ATXN7L1: variants seen among roughly 807,000 people sequenced by gnomAD.
ATXN7L1 encodes the protein ataxin 7 like 1, also known as ataxin-7-like protein 1.
Under a neutral mutation model 70.8 loss-of-function variants are expected in ATXN7L1, and 15 were observed. The observed-to-expected ratio is 0.21, with a 90% CI of 0.14 to 0.33. The LOEUF (loss-of-function observed/expected upper bound fraction) is 0.33, where lower values mean the gene tolerates loss of function less well. Ranked by LOEUF, ATXN7L1 falls within the 10% of genes least tolerant of loss-of-function variation. The pLI, the probability that ATXN7L1 is intolerant of heterozygous loss-of-function variation, is 1.00. For missense variants in ATXN7L1, 975 were observed against 1,097.1 expected (o/e 0.89, Z 1.57); for synonymous variants, 440 against 445.1 (o/e 0.99, Z 0.14).
chr7:105,873,549 T>C, intron 2 of ATXN7L1, among the ~76,000 whole-genome samples: 3 of 152,304 alleles, frequency 2.0e-5, no homozygotes, highest in East Asian at 3.9e-4. Context: ...ATATAGATAT[T>C]TTATCTATAA....
At chr7:105,827,090 C>T (rs968964664) in intron 2 of ATXN7L1, among the ~76,000 whole-genome samples, 8 of 152,008 alleles carry the variant, frequency 5.3e-5, no homozygotes, top group Non-Finnish European at 1.2e-4. Context: ...GAACGGAAGG[C>T]GAGGTTGAAA....
intron 3 of ATXN7L1, chr7:105,760,332 G>T (rs1198429443): frequency 1.1e-6 from 1 of 912,900 alleles, no homozygotes; most frequent in Non-Finnish European, 1.3e-6. Flanking sequence ...ATATGAGGGG[G>T]CTGTTAGGAT....
At position 105,690,421 on chromosome 7, in the gene ATXN7L1, T is replaced by C. The variant is rs112188652; in HGVS notation, c.356-25133A>G. 7.8e-3 allele frequency among the ~76,000 whole-genome samples: 1,184 copies of C among 152,314 alleles called. 37 individuals are homozygous for C. The highest frequency in any genetic ancestry group is 0.045 in the Admixed American group (686 of 15,296). ...ATCCTAATGGTCACATTTACCACCT[T>C]GGAAATTTCCGTTTTCACTGTCCGT... On this transcript the variant is annotated intron_variant, in intron 3 of 11. Coordinates refer to ENST00000419735, the MANE Select transcript of ATXN7L1 (RefSeq NM_020725.2).
chr7:105,610,598 C>A lies in ATXN7L1; in HGVS notation c.2478G>T (p.Gly826=). 1 of 1,549,170 alleles carries A rather than the reference C, an allele frequency of 6.5e-7. No homozygotes were observed. Among genetic ancestry groups the A allele is most frequent in the Non-Finnish European group, 8.7e-7 (1 of 1,145,646 alleles). The part of the protein sequence containing the change: ...PVNSTSSRQV[G]KNSSLALSQS... ...GTGACAAAGCTAGGCTGCTATTTTT[C>A]CCAACCTGAAAGACACCATTGAAGC... The change falls in exon 11 of 12, where the codon GGG becomes GGT. Residue 826 remains glycine, a synonymous_variant. Coordinates refer to ENST00000419735, the MANE Select transcript of ATXN7L1 (RefSeq NM_020725.2).
chr7:105,788,716 G>A lies in ATXN7L1; in HGVS notation c.251-8C>T, dbSNP rs1024281729. On this transcript the variant is annotated splice_region_variant and splice_polypyrimidine_tract_variant and intron_variant, in intron 2 of 11. Coordinates refer to ENST00000419735, the MANE Select transcript of ATXN7L1 (RefSeq NM_020725.2). ...GGCCAAATAAGTGCATATCTGTGGGGGAAATGAAAACAAGTGTGTTTTGAA... is the reference window on the plus strand; with the variant it reads ...GGCCAAATAAGTGCATATCTGTGGGAGAAATGAAAACAAGTGTGTTTTGAA... 6.3e-7 allele frequency: 1 copy of A among 1,594,162 alleles called. No homozygotes were observed. Among genetic ancestry groups the A allele is most frequent in the Non-Finnish European group, 8.6e-7 (1 of 1,161,926 alleles).
intron 3 of ATXN7L1, among the ~76,000 whole-genome samples, chr7:105,775,742 G>A (rs1802636465): frequency 6.6e-6 from 1 of 152,202 alleles, no homozygotes; most frequent in Non-Finnish European, 1.5e-5. Flanking sequence ...AGACGAAAGG[G>A]TGAGCTAGTG....
At chr7:105,661,160 C>T (rs987944679) in intron 4 of ATXN7L1, among the ~76,000 whole-genome samples, 1 of 152,168 alleles carries the variant, frequency 6.6e-6, no homozygotes, top group African/African-American at 2.4e-5. Flanking sequence ...GGCCTGTATC[C>T]AGACTGTTTT....
intron 3 of ATXN7L1, among the ~76,000 whole-genome samples, chr7:105,754,259 A>G (rs573072311): frequency 6.6e-6 from 1 of 152,286 alleles, no homozygotes; most frequent in Non-Finnish European, 1.5e-5. Flanking sequence ...GAGGGGAAGG[A>G]CATCCCTGGC....
intron 3 of ATXN7L1, among the ~76,000 whole-genome samples, chr7:105,719,985 T>C (rs1794999014): frequency 6.6e-6 from 1 of 152,202 alleles, no homozygotes; most frequent in Non-Finnish European, 1.5e-5. Flanking sequence ...CAGGTGATCA[T>C]ATAATCCTTT....
At chr7:105,745,215 G>T (rs939852502) in intron 3 of ATXN7L1, among the ~76,000 whole-genome samples, 3 of 151,646 alleles carry the variant, frequency 2.0e-5, no homozygotes, top group African/African-American at 7.3e-5. Flanking sequence ...CTCTCAAATG[G>T]GTCAGGAAAA....
At chr7:105,798,990 A>C (rs1025446215) in intron 2 of ATXN7L1, among the ~76,000 whole-genome samples, 1 of 152,252 alleles carries the variant, frequency 6.6e-6, no homozygotes, top group Non-Finnish European at 1.5e-5. Flanking sequence ...TACTGTTTAG[A>C]GATTTTAATT....
chr7:105,825,708 C>A (rs985993504), intron 2 of ATXN7L1, among the ~76,000 whole-genome samples: 7 of 152,038 alleles, frequency 4.6e-5, no homozygotes, highest in Admixed American at 4.6e-4. Context: ...TAGCCTTCAT[C>A]TTTTAGAAGG....
rs144299292 is a variant in ATXN7L1, at chr7:105,617,545, G to C, written c.1517+2655C>G. ...GGGCAGGAGGGGAGATAGGGCAGGG[G>C]AGAAATAGGGTGAGGGGCATGTGGC... is the stretch of plus-strand genomic sequence containing the variant. On this transcript the variant is annotated intron_variant, in intron 9 of 11. Transcript: ENST00000419735. 2.8e-3 allele frequency among the ~76,000 whole-genome samples: 424 copies of C among 152,306 alleles called. 4 individuals carry two copies. Among genetic ancestry groups the C allele is most frequent in the African/African-American group, 9.8e-3 (408 of 41,562 alleles).
intron 2 of ATXN7L1, among the ~76,000 whole-genome samples, chr7:105,790,403 C>A (rs1804963600): frequency 6.6e-6 from 1 of 151,874 alleles, no homozygotes; most frequent in Non-Finnish European, 1.5e-5. Flanking sequence ...CGAAGTGAGA[C>A]CCCCATCTCT....
intron 2 of ATXN7L1, among the ~76,000 whole-genome samples, chr7:105,799,181 T>A (rs932710408): frequency 6.6e-6 from 1 of 152,212 alleles, no homozygotes; most frequent in African/African-American, 2.4e-5. Flanking sequence ...TGTGCAGGAA[T>A]GTGACATTTG....
intron 2 of ATXN7L1, among the ~76,000 whole-genome samples, chr7:105,836,903 C>T (rs1333747872): frequency 6.6e-6 from 1 of 152,000 alleles, no homozygotes; most frequent in Non-Finnish European, 1.5e-5. Context: ...ACTAAAAATA[C>T]AAAAATTAGC....
intron 3 of ATXN7L1, among the ~76,000 whole-genome samples, chr7:105,777,654 A>C (rs1221015390): frequency 6.6e-6 from 1 of 152,094 alleles, no homozygotes; most frequent in Non-Finnish European, 1.5e-5. Flanking sequence ...TTTTCTCTCC[A>C]TCTCCACGGC....
chr7:105,742,923 C>T (rs1286793042), intron 3 of ATXN7L1, among the ~76,000 whole-genome samples: 3 of 152,092 alleles, frequency 2.0e-5, no homozygotes, highest in African/African-American at 7.2e-5. Context: ...CCACGATTCA[C>T]CTCTCCCCCT....
intron 2 of ATXN7L1, among the ~76,000 whole-genome samples, chr7:105,793,936 C>T (rs1005425448): frequency 1.2e-4 from 18 of 152,168 alleles, no homozygotes; most frequent in Admixed American, 1.1e-3. Flanking sequence ...GACATGTAGT[C>T]ATCCATCCAT....
Sources: gnomAD v4.1 joint callset for allele counts (sites outside exome capture counted in the v4.1 genomes callset) on GRCh38, gnomAD v4.1.1 for gene constraint, MANE v1.5 for transcripts, NCBI Gene and HGNC (gene_info 2026-07-23, HGNC 2026-07-21) for gene names.